The following PRKACB variants were observed in gnomAD, a reference collection of about 807,000 sequenced individuals.
The protein encoded by PRKACB is cAMP-dependent protein kinase catalytic subunit beta.
PRKACB carries 16 observed loss-of-function variants against 51.4 expected under a neutral mutation model. The ratio of observed to expected loss-of-function variants is 0.31; its 90% CI spans 0.21 to 0.47. PRKACB has a LOEUF of 0.47. Among genes scored for constraint, PRKACB ranks in the 20% least tolerant of loss-of-function variants. The pLI is 1.00. For synonymous variants in PRKACB, 147 were observed against 154.4 expected (o/e 0.95, Z 0.35); for missense variants, 309 against 464.5 (o/e 0.67, Z 3.08).
At chr1:84,097,787 AAAAAAC>A (rs1236759320) in intron 1 of PRKACB, among the ~76,000 whole-genome samples, 1 of 152,030 alleles carries the variant, frequency 6.6e-6, no homozygotes, top group East Asian at 1.9e-4. Flanking sequence ...AAAAGAAAAG[AAAAAAC>A]AAAAACAAAA....
chr1:84,204,016 TA>T (rs1490546301), intron 8 of PRKACB, among the ~76,000 whole-genome samples: 5 of 151,990 alleles, frequency 3.3e-5, no homozygotes, highest in African/African-American at 9.7e-5. Context: ...TGTGGTAATT[TA>T]TTTTTTTTGC....
intron 7 of PRKACB, among the ~76,000 whole-genome samples, chr1:84,199,873 T>A (rs759135631): frequency 2.0e-5 from 3 of 151,950 alleles, no homozygotes; most frequent in Non-Finnish European, 4.4e-5. Flanking sequence ...GGAGATGGAG[T>A]CTTGCTCTGT....
upstream of PRKACB, among the ~76,000 whole-genome samples, chr1:84,142,204 G>A (rs1653486744): frequency 6.6e-6 from 1 of 151,992 alleles, no homozygotes; most frequent in African/African-American, 2.4e-5. Context: ...ACAATTTAGG[G>A]TCATATAAAT....
intron 9 of PRKACB, among the ~76,000 whole-genome samples, chr1:84,218,108 CA>C (rs754245514): frequency 1.8e-4 from 27 of 152,156 alleles, no homozygotes; most frequent in Non-Finnish European, 3.4e-4. Flanking sequence ...GGGTATTTAG[CA>C]TATCCACTAC....
intron 7 of PRKACB, among the ~76,000 whole-genome samples, chr1:84,199,160 T>C (rs1173166279): frequency 1.3e-5 from 2 of 150,062 alleles, no homozygotes; most frequent in African/African-American, 2.4e-5. Context: ...TTATTTTAGC[T>C]TTCATTTTAG....
upstream of PRKACB, among the ~76,000 whole-genome samples, chr1:84,143,078 A>C (rs533428305): frequency 6.6e-6 from 1 of 152,252 alleles, no homozygotes; most frequent in Admixed American, 6.5e-5. Flanking sequence ...AAGTACTCAA[A>C]ATTTTTGTTA....
In PRKACB at chr1:84,171,031, A is replaced by C. The variant is rs1659289592; in HGVS notation, c.188-8146A>C. ...CTTAATTACTTAACTACCACAAGGC[A>C]ATTAAGTTCAATCAGTAATAAAAAG... On this transcript the variant is annotated intron_variant, in intron 1 of 9. Transcript: ENST00000370685. Among the ~76,000 whole-genome samples, 8 of 151,612 alleles carry C rather than the reference A, an allele frequency of 5.3e-5. No individual in the cohort carries two copies. The Admixed American group carries it at 5.3e-4, about 10-fold the overall frequency.
chr1:84,211,194 TAAAG>T (rs774483725), intron 8 of PRKACB, among the ~76,000 whole-genome samples: 59 of 151,972 alleles, frequency 3.9e-4, no homozygotes, highest in Non-Finnish European at 7.4e-4. Context: ...CATTCCAAAA[TAAAG>T]AATTACATTA....
chr1:84,135,058 A>G (rs1652659613), intron 1 of PRKACB, among the ~76,000 whole-genome samples: 1 of 152,190 alleles, frequency 6.6e-6, no homozygotes, highest in African/African-American at 2.4e-5. Flanking sequence ...TAGGTAAGGT[A>G]AAAAGGAGCG....
chr1:84,170,484 G>C (rs970747087), intron 1 of PRKACB, among the ~76,000 whole-genome samples: 1 of 151,562 alleles, frequency 6.6e-6, no homozygotes, highest in Non-Finnish European at 1.5e-5. Flanking sequence ...TATTAATTGT[G>C]TGGTCTAGGA....
chr1:84,114,563 C>T (rs1022035147), intron 1 of PRKACB, among the ~76,000 whole-genome samples: 1 of 151,918 alleles, frequency 6.6e-6, no homozygotes, highest in African/African-American at 2.4e-5. Context: ...GTCAGTCACC[C>T]AAGTACAATA....
chr1:84,109,576 C>T (rs1331050078), intron 1 of PRKACB, among the ~76,000 whole-genome samples: 3 of 151,742 alleles, frequency 2.0e-5, no homozygotes, highest in East Asian at 1.9e-4. Flanking sequence ...GGTTTGTAGA[C>T]GTACTTTAAG....
chr1:84,200,044 A>C (rs1196728866), intron 7 of PRKACB, among the ~76,000 whole-genome samples: 9 of 151,858 alleles, frequency 5.9e-5, no homozygotes, highest in Admixed American at 5.9e-4. Context: ...ACAGGGTTTC[A>C]CCATATTGGT....
intron 9 of PRKACB, among the ~76,000 whole-genome samples, chr1:84,216,812 T>G (rs958030736): frequency 5.3e-5 from 8 of 152,176 alleles, no homozygotes; most frequent in African/African-American, 1.9e-4. Flanking sequence ...GATCCCAGGT[T>G]CTTCAGATTC....
intron 1 of PRKACB, among the ~76,000 whole-genome samples, chr1:84,126,808 A>G (rs1651658545): frequency 6.6e-6 from 1 of 152,204 alleles, no homozygotes; most frequent in East Asian, 1.9e-4. Flanking sequence ...TATTACTTTT[A>G]TTAATTTTCT....
chr1:84,112,339 T>C (rs1650305882), intron 1 of PRKACB, among the ~76,000 whole-genome samples: 1 of 151,622 alleles, frequency 6.6e-6, no homozygotes, highest in Non-Finnish European at 1.5e-5. Flanking sequence ...TTCAAGCAAT[T>C]CTGCTGCCTC....
At chr1:84,100,518 G>A (rs1394966610) in intron 1 of PRKACB, among the ~76,000 whole-genome samples, 1 of 152,092 alleles carries the variant, frequency 6.6e-6, no homozygotes, top group African/African-American at 2.4e-5. Flanking sequence ...AGAATACTGA[G>A]GCTTAGAGAA....
chr1:84,220,818 G>C (rs1380643063), intron 9 of PRKACB, among the ~76,000 whole-genome samples: 1 of 152,054 alleles, frequency 6.6e-6, no homozygotes, highest in Non-Finnish European at 1.5e-5. Context: ...TTATATATTT[G>C]TTGTGTTGTT....
At chr1:84,217,276 TATC>T (rs1172618548) in intron 9 of PRKACB, among the ~76,000 whole-genome samples, 1 of 152,188 alleles carries the variant, frequency 6.6e-6, no homozygotes, top group African/African-American at 2.4e-5. Flanking sequence ...AATTTGAAAT[TATC>T]ATAATTCCAC....
Sources: gnomAD v4.1 joint callset for allele counts (sites outside exome capture counted in the v4.1 genomes callset) on GRCh38, gnomAD v4.1.1 for gene constraint, MANE v1.5 for transcripts, NCBI Gene and HGNC (gene_info 2026-07-23, HGNC 2026-07-21) for gene names.